MEIS1: variants seen among roughly 807,000 people sequenced by gnomAD.
MEIS1 encodes homeobox protein Meis1.
A neutral mutation model predicts 50.8 loss-of-function variants in MEIS1; 5 were observed. The observed-to-expected ratio is 0.10, with a 90% CI of 0.05 to 0.21. The LOEUF is 0.21. Among genes scored for constraint, MEIS1 ranks in the 10% least tolerant of loss-of-function variants. The pLI, the probability that MEIS1 is intolerant of heterozygous loss-of-function variation, is 1.00. For missense variants in MEIS1, 318 were observed against 517.3 expected, an observed-to-expected ratio of 0.61 and a Z score of 3.74; for synonymous variants, 176 against 179.3, an observed-to-expected ratio of 0.98 and a Z score of 0.15.
Position 66,572,019 on chromosome 2 carries a change from C to T in MEIS1, c.*811C>T, listed in dbSNP as rs1159015625. On this transcript the variant is annotated 3_prime_UTR_variant, in exon 13 of 13. Coordinates refer to ENST00000272369, the MANE Select transcript of MEIS1 (RefSeq NM_002398.3). ...GCGCGCGCTCTCTCTCTTTCTCTCT[C>T]TTTTCCTCTCTCTCCCTCTTTCTAG... 1 of 159,832 alleles carries T rather than the reference C, an allele frequency of 6.3e-6. No individual in the cohort carries two copies. The highest frequency in any genetic ancestry group is 2.4e-5 in the African/African-American group (1 of 41,512). 9.9% of individuals were successfully genotyped at this position (159,832 alleles called of 1,614,324 possible).
intron 7 of MEIS1, among the ~76,000 whole-genome samples, chr2:66,500,671 C>T (rs1256223103): frequency 6.6e-6 from 1 of 152,078 alleles, no homozygotes; most frequent in East Asian, 1.9e-4. Flanking sequence ...GTGATCTGCT[C>T]GCCTCAGCCT....
chr2:66,480,363 C>G (rs1672988179), intron 7 of MEIS1, among the ~76,000 whole-genome samples: 1 of 152,268 alleles, frequency 6.6e-6, no homozygotes, highest in African/African-American at 2.4e-5. Flanking sequence ...CTCTGGGATA[C>G]TAGTGACTAA....
chr2:66,460,691 G>C (rs1433995440), intron 6 of MEIS1, among the ~76,000 whole-genome samples: 1 of 152,156 alleles, frequency 6.6e-6, no homozygotes, highest in African/African-American at 2.4e-5. Flanking sequence ...TACATTCAGT[G>C]ATCTTTCAGG....
intron 6 of MEIS1, among the ~76,000 whole-genome samples, chr2:66,460,422 A>G (rs1672491664): frequency 6.6e-6 from 1 of 152,206 alleles, no homozygotes; most frequent in South Asian, 2.1e-4. Context: ...TTAAGAAACG[A>G]TAGAAGAAAA....
intron 7 of MEIS1, among the ~76,000 whole-genome samples, chr2:66,497,756 A>G (rs981086796): frequency 6.6e-6 from 1 of 152,214 alleles, no homozygotes; most frequent in Non-Finnish European, 1.5e-5. Flanking sequence ...ATAAAAAATT[A>G]AAACTGCTGC....
chr2:66,514,622 CCAT>C (rs1673916176), intron 8 of MEIS1, among the ~76,000 whole-genome samples: 1 of 152,164 alleles, frequency 6.6e-6, no homozygotes, highest in African/African-American at 2.4e-5. Context: ...ATTTCTACCT[CCAT>C]TACCCACTCC....
chr2:66,509,223 A>G (rs1303278555), intron 7 of MEIS1: 1 of 357,750 alleles, frequency 2.8e-6, no homozygotes, highest in African/African-American at 2.2e-5. Flanking sequence ...ATTAAAATCT[A>G]TGAAAGTGTT....
intron 8 of MEIS1, among the ~76,000 whole-genome samples, chr2:66,513,863 C>G (rs1005453410): frequency 6.6e-6 from 1 of 152,156 alleles, no homozygotes; most frequent in Non-Finnish European, 1.5e-5. Context: ...TGAGGATTAT[C>G]AATCACTAAT....
In MEIS1 at chr2:66,440,651, C is replaced by A. The variant is rs757039261; in HGVS notation, c.432+39C>A. The stretch of plus-strand genomic sequence containing the variant: ...CCTATTTCCCTCCCCCGCCCCCGAC[C>A]CCCTACCTCCCACCTCCAACGCCCT... On this transcript the variant is annotated intron_variant, in intron 4 of 12. Coordinates refer to ENST00000272369, the MANE Select transcript of MEIS1 (RefSeq NM_002398.3). The A allele has an allele frequency of 6.1e-6, 8 of 1,318,672 alleles. No homozygotes were observed. The Middle Eastern group carries it at 7.4e-4, about 122-fold the overall frequency. 81.7% of individuals were successfully genotyped at this position (1,318,672 alleles called of 1,614,324 possible).
intron 6 of MEIS1, among the ~76,000 whole-genome samples, chr2:66,463,692 G>C (rs1184849969): frequency 4.6e-5 from 7 of 152,146 alleles, no homozygotes; most frequent in African/African-American, 1.4e-4. Flanking sequence ...TTGTCTTCTA[G>C]GATGAATCAG....
intron 7 of MEIS1, among the ~76,000 whole-genome samples, chr2:66,489,154 C>T (rs1437792154): frequency 1.3e-5 from 2 of 152,202 alleles, no homozygotes; most frequent in African/African-American, 4.8e-5. Context: ...TTTCCATTGG[C>T]AGATCACCTT....
chr2:66,489,702 T>C (rs1572849479), intron 7 of MEIS1, among the ~76,000 whole-genome samples: 3 of 152,284 alleles, frequency 2.0e-5, no homozygotes, highest in East Asian at 1.9e-4. Context: ...GGTGATAATA[T>C]TCAAGTGCAA....
In MEIS1 at chr2:66,512,231, G is replaced by A. The variant is rs1216216361; in HGVS notation, c.825G>A (p.Lys275=). 2 of 1,612,622 alleles carry A rather than the reference G, an allele frequency of 1.2e-6. No homozygotes were observed. The highest frequency in any genetic ancestry group is 1.3e-5 in the African/African-American group (1 of 74,970). ...ATAAGGACAAAAAGCGTCACAAAAA[G>A]CGTGGCATCTTTCCCAAAGTAGCCA... ...DPDKDKKRHK[K]RGIFPKVATN... Residue 275 remains lysine, a synonymous_variant, in exon 8 of 13, where the codon AAG becomes AAA. Coordinates refer to ENST00000272369, the MANE Select transcript of MEIS1 (RefSeq NM_002398.3).
intron 4 of MEIS1, 35 bp downstream of exon 4, chr2:66,440,647 C>G (rs1202343119): frequency 7.1e-7 from 1 of 1,412,060 alleles, no homozygotes; most frequent in Non-Finnish European, 9.7e-7. Flanking sequence ...CCCCCGCCCC[C>G]GACCCCCTAC....
In MEIS1 at chr2:66,504,085, C is replaced by T. The variant is rs150008900; in HGVS notation, c.743-8064C>T. Among the ~76,000 whole-genome samples the T allele has an allele frequency of 1.3e-3, 195 of 151,964 alleles. 1 individual carries two copies. Among genetic ancestry groups the T allele is most frequent in the African/African-American group, 4.4e-3 (184 of 41,440 alleles). Reference sequence around the variant, plus strand: ...TTAAATGCTACATTTTACCCTTTAGCGGAGGAGGGGGAGCAGTAAATTCAT... The same window carrying T: ...TTAAATGCTACATTTTACCCTTTAGTGGAGGAGGGGGAGCAGTAAATTCAT... On this transcript the variant is annotated intron_variant, in intron 7 of 12. Transcript: ENST00000272369.
chr2:66,519,820 G>T (rs999979049), intron 8 of MEIS1, among the ~76,000 whole-genome samples: 1 of 152,114 alleles, frequency 6.6e-6, no homozygotes, highest in African/African-American at 2.4e-5. Flanking sequence ...TCTGAAATAG[G>T]TCTTGGTAAC....
At chr2:66,523,636 TTTAA>T (rs1164150409) in intron 8 of MEIS1, among the ~76,000 whole-genome samples, 4 of 152,208 alleles carry the variant, frequency 2.6e-5, no homozygotes, top group African/African-American at 9.7e-5. Context: ...CCAAATTAAA[TTTAA>T]TTAAGGAGTA....
At chr2:66,483,163 G>T (rs1673057244) in intron 7 of MEIS1, among the ~76,000 whole-genome samples, 2 of 151,294 alleles carry the variant, frequency 1.3e-5, no homozygotes, top group African/African-American at 4.9e-5. Flanking sequence ...TTTCTCTGTG[G>T]AAAAAGAGAT....
At chr2:66,491,093 A>AG (rs148355668) in intron 7 of MEIS1, among the ~76,000 whole-genome samples, 14 of 151,796 alleles carry the variant, frequency 9.2e-5, no homozygotes, top group African/African-American at 2.9e-4. Flanking sequence ...GGAAAAAAAA[A>AG]AGAGAATAAA....
Sources: allele counts gnomAD v4.1 joint callset (sites outside exome capture counted in the v4.1 genomes callset), GRCh38; gene constraint gnomAD v4.1.1; transcripts MANE v1.5; gene names NCBI Gene and HGNC (gene_info 2026-07-23, HGNC 2026-07-21).